CLEC9A: variants seen among roughly 807,000 people sequenced by gnomAD.
CLEC9A encodes C-type lectin domain family 9 member A.
CLEC9A carries 24 observed loss-of-function variants against 30.0 expected under a neutral mutation model. That is an observed-to-expected ratio of 0.80 (90% CI 0.58 to 1.13). The LOEUF (loss-of-function observed/expected upper bound fraction) is 1.13, where lower values mean the gene tolerates loss of function less well. CLEC9A is among the 50% of genes most tolerant of loss of function. The probability of loss-of-function intolerance (pLI) is 0.00; values close to 1 mark genes in which losing one functional copy is unlikely to be tolerated. For missense variants in CLEC9A, 251 were observed against 280.9 expected, an observed-to-expected ratio of 0.89 and a Z score of 0.76; for synonymous variants, 111 against 96.8, an observed-to-expected ratio of 1.15 and a Z score of -0.86.
chr12:10,043,116 T>C lies in CLEC9A; in HGVS notation c.-163+1496T>C, dbSNP rs140783459. On this transcript the variant is annotated intron_variant, in intron 2 of 8. Transcript: ENST00000355819. Reference sequence around the variant, plus strand: ...TAATATAGACATGTAATCCAACTTTTTTTTTTGTCCAGGGTCTTATCATAA... The same window carrying C: ...TAATATAGACATGTAATCCAACTTTCTTTTTTGTCCAGGGTCTTATCATAA... The C allele has an allele frequency of 1.3e-4, 34 of 253,876 alleles. 1 individual carries two copies. In the East Asian group the frequency reaches 3.3e-3, roughly 24 times the overall value. 15.7% of individuals were successfully genotyped at this position (253,876 alleles called of 1,614,324 possible). A position where few individuals can be genotyped will look rare whatever the true frequency, so the allele number is the denominator to read the frequency against.
intron 1 of CLEC9A, among the ~76,000 whole-genome samples, chr12:10,038,274 G>A (rs1002804581): frequency 1.3e-5 from 2 of 152,124 alleles, no homozygotes; most frequent in Admixed American, 6.5e-5. Flanking sequence ...ATCAGGTACT[G>A]TCTTTTTTGT....
intron 1 of CLEC9A, among the ~76,000 whole-genome samples, chr12:10,035,803 C>T (rs1210626531): frequency 2.0e-5 from 3 of 152,138 alleles, no homozygotes; most frequent in Non-Finnish European, 2.9e-5. Context: ...ATGGGTTTCA[C>T]CATGTTGCAC....
intron 1 of CLEC9A, among the ~76,000 whole-genome samples, chr12:10,037,998 TC>T (rs1865758069): frequency 1.3e-5 from 2 of 152,012 alleles, no homozygotes; most frequent in South Asian, 4.2e-4. Context: ...GGGTTAAGAG[TC>T]CCTTTTGGCT....
intron 5 of CLEC9A, among the ~76,000 whole-genome samples, chr12:10,057,280 C>T (rs1431048505): frequency 6.6e-6 from 1 of 151,742 alleles, no homozygotes; most frequent in Admixed American, 6.6e-5. Context: ...ATGTTACATC[C>T]AATTTTCTTT....
chr12:10,043,231 G>T, intron 2 of CLEC9A: 1 of 377,496 alleles, frequency 2.6e-6, no homozygotes, highest in Non-Finnish European at 5.3e-6. Context: ...ATCAAAGCCA[G>T]GACTGGTTTA....
At chr12:10,054,234 C>G in intron 4 of CLEC9A, 37 bp from the exon 5 acceptor site, 1 of 1,526,358 alleles carries the variant, frequency 6.6e-7, no homozygotes, top group South Asian at 1.1e-5. Context: ...TATCTGCTTT[C>G]TCTAACTCGG....
intron 1 of CLEC9A, among the ~76,000 whole-genome samples, chr12:10,033,572 G>T (rs1022816158): frequency 2.0e-5 from 3 of 152,136 alleles, no homozygotes; most frequent in African/African-American, 7.2e-5. Context: ...CGGTTCCTCT[G>T]CCAAAAACTT....
chr12:10,032,235 G>T (rs922487556), intron 1 of CLEC9A, among the ~76,000 whole-genome samples: 2 of 152,110 alleles, frequency 1.3e-5, no homozygotes, highest in African/African-American at 2.4e-5. Context: ...ATACAATCTA[G>T]CAACCATAGA....
intron 1 of CLEC9A, among the ~76,000 whole-genome samples, chr12:10,033,005 T>C (rs949698947): frequency 6.6e-6 from 1 of 152,060 alleles, no homozygotes; most frequent in Non-Finnish European, 1.5e-5. Context: ...ATGAAAACAC[T>C]CCAGTCAAAG....
At chr12:10,050,581 A>C (rs1865885062) in intron 2 of CLEC9A, among the ~76,000 whole-genome samples, 1 of 152,234 alleles carries the variant, frequency 6.6e-6, no homozygotes, top group South Asian at 2.1e-4. Context: ...CATCAAAAGT[A>C]ATAAAAGGAA....
rs531378905 is a variant in CLEC9A, at chr12:10,038,333, G to A, written c.-317-3133G>A. On this transcript the variant is annotated intron_variant, in intron 1 of 8. Coordinates refer to ENST00000355819, the MANE Select transcript of CLEC9A (RefSeq NM_207345.4). ...TTCTCAAAATAATTTGAAGAGTGTA[G>A]AGAAAGAAATTTTAGAATGGAAGAC... Among the ~76,000 whole-genome samples, 59 of 152,252 alleles carry A rather than the reference G, an allele frequency of 3.9e-4. 1 individual carries two copies. The Middle Eastern group carries it at 0.01, about 26-fold the overall frequency.
Position 10,064,814 on chromosome 12 carries a change from G to A in CLEC9A, c.554G>A (p.Arg185His), listed in dbSNP as rs142470425. Residue 185 changes from arginine (R) to histidine (H), a missense_variant, in exon 8 of 9, where the codon CGC becomes CAC. Physicochemically the swap from Arg to His is conservative, Grantham distance 29. Coordinates refer to ENST00000355819, the MANE Select transcript of CLEC9A (RefSeq NM_207345.4). ...VGLSQDGHSG[R>H]WLWQDGSSPS... ...TTGTCTCAGGATGGACACAGCGGAC[G>A]CTGGCTTTGGCAAGATGGCTCCTCT... 13 of 1,613,152 alleles carry A rather than the reference G, an allele frequency of 8.1e-6. No homozygotes were observed. The African/African-American group carries it at 1.3e-4, about 17-fold the overall frequency.
At chr12:10,042,855 C>A (rs989876808) in intron 2 of CLEC9A, among the ~76,000 whole-genome samples, 5 of 152,110 alleles carry the variant, frequency 3.3e-5, no homozygotes, top group African/African-American at 1.2e-4. Flanking sequence ...ATAAAGCTCA[C>A]CAATAATGTA....
intron 7 of CLEC9A, 80 bp from the exon 8 acceptor site, chr12:10,064,652 G>T: frequency 2.8e-6 from 4 of 1,424,774 alleles, no homozygotes; most frequent in South Asian, 2.9e-5. Context: ...TTCTAGCTAG[G>T]CAAAATGTCA....
rs11452760 is a variant in CLEC9A, at chr12:10,040,452, A to ATT, written c.-317-999_-317-998dup. Among the ~76,000 whole-genome samples the ATT allele has an allele frequency of 6.9e-3, 941 of 137,108 alleles. 5 individuals are homozygous for ATT. Among genetic ancestry groups the ATT allele is most frequent in the African/African-American group, 0.021 (766 of 37,080 alleles). The allele number at this position is 137,108 out of a possible 152,430, so 89.9% of individuals were successfully genotyped here. ...CTAGTAAACTCTTCATACATTGGCAATTTTTTTTTTTTTTTTGAGATGGAG... is the reference window on the plus strand; with the variant it reads ...CTAGTAAACTCTTCATACATTGGCAATTTTTTTTTTTTTTTTTTGAGATGGAG... On this transcript the variant is annotated intron_variant, in intron 1 of 8. Coordinates refer to ENST00000355819, the MANE Select transcript of CLEC9A (RefSeq NM_207345.4).
At chr12:10,060,292 G>A (rs1865985309) in intron 5 of CLEC9A, among the ~76,000 whole-genome samples, 1 of 152,158 alleles carries the variant, frequency 6.6e-6, no homozygotes, top group African/African-American at 2.4e-5. Context: ...ACTAAAACCT[G>A]AAAACTACCT....
chr12:10,046,197 A>T lies in CLEC9A; in HGVS notation c.-163+4577A>T, dbSNP rs77602499. ...TATACCTCACAGTTCTACAACTTAA[A>T]ATAAAACTTTGTAGTGTTAATTATA... On this transcript the variant is annotated intron_variant, in intron 2 of 8. Transcript: ENST00000355819. 6.3e-3 allele frequency among the ~76,000 whole-genome samples: 960 copies of T among 152,350 alleles called. 14 individuals carry two copies. Among genetic ancestry groups the T allele is most frequent in the African/African-American group, 0.019 (783 of 41,586 alleles).
chr12:10,040,244 C>A (rs1865780442), intron 1 of CLEC9A, among the ~76,000 whole-genome samples: 1 of 152,146 alleles, frequency 6.6e-6, no homozygotes, highest in Admixed American at 6.5e-5. Context: ...AGCTGAGAAT[C>A]CTGTATTCAA....
chr12:10,061,642 T>C (rs1370138749), intron 6 of CLEC9A, among the ~76,000 whole-genome samples: 32 of 152,208 alleles, frequency 2.1e-4, no homozygotes, highest in Admixed American at 2.1e-3. Context: ...TTAGATATTG[T>C]TTTAGATTCA....
Sources: allele counts gnomAD v4.1 joint callset (sites outside exome capture counted in the v4.1 genomes callset), GRCh38; gene constraint gnomAD v4.1.1; transcripts MANE v1.5; gene names NCBI Gene and HGNC (gene_info 2026-07-23, HGNC 2026-07-21).